The following ADGRL3 variants were observed in gnomAD, a reference collection of about 807,000 sequenced individuals.
ADGRL3 encodes the protein adhesion G protein-coupled receptor L3.
In ADGRL3, 62 loss-of-function variants were observed where a neutral mutation model predicts 153.5. That is an observed-to-expected ratio of 0.40 (90% CI 0.33 to 0.50). The LOEUF (loss-of-function observed/expected upper bound fraction) is 0.50, where lower values mean the gene tolerates loss of function less well. ADGRL3 is among the 20% of genes least tolerant of loss of function. The pLI, the probability that ADGRL3 is intolerant of heterozygous loss-of-function variation, is 0.47. For synonymous variants in ADGRL3, 710 were observed against 672.5 expected (o/e 1.06, Z -0.86); for missense variants, 1,641 against 1,859.4 (o/e 0.88, Z 2.16).
chr4:61,764,465 GTGGGGATGCTT>G (rs2096951897), intron 8 of ADGRL3, among the ~76,000 whole-genome samples: 2 of 130,384 alleles, frequency 1.5e-5, no homozygotes, highest in East Asian at 2.4e-4. Context: ...AAGGTGCTCA[GTGGGGATGCTT>G]TTGGAGCCAG....
intron 2 of ADGRL3, among the ~76,000 whole-genome samples, chr4:61,456,155 GA>G (rs1204756255): frequency 6.6e-6 from 1 of 151,454 alleles, no homozygotes; most frequent in Non-Finnish European, 1.5e-5. Flanking sequence ...TGAGCTGTGT[GA>G]AATTATGAAG....
At chr4:61,301,598 A>G (rs756306617) in intron 1 of ADGRL3, among the ~76,000 whole-genome samples, 10 of 152,194 alleles carry the variant, frequency 6.6e-5, no homozygotes, top group Non-Finnish European at 1.2e-4. Flanking sequence ...TATTTTAAAC[A>G]CACTTAGAAC....
At chr4:61,448,898 G>A (rs373387316) in intron 2 of ADGRL3, among the ~76,000 whole-genome samples, 18 of 85,576 alleles carry the variant, frequency 2.1e-4, no homozygotes, top group African/African-American at 4.3e-4. Context: ...AAGAAGGGAG[G>A]GAGGGAGGGG....
At chr4:61,579,802 T>G (rs998823551) in intron 4 of ADGRL3, among the ~76,000 whole-genome samples, 20 of 152,152 alleles carry the variant, frequency 1.3e-4, no homozygotes, top group African/African-American at 4.8e-4. Context: ...AATGCTAAAA[T>G]GCCATTTCAA....
At position 61,599,894 on chromosome 4, in the gene ADGRL3, A is replaced by C. The variant is rs977912167; in HGVS notation, c.473+12454A>C. Among the ~76,000 whole-genome samples, 9 of 152,166 alleles carry C rather than the reference A, an allele frequency of 5.9e-5. No homozygotes were observed. The East Asian group carries it at 9.6e-4, about 16-fold the overall frequency. On this transcript the variant is annotated intron_variant, in intron 5 of 26. Transcript: ENST00000683033. ...TACTCCAAGTTTAATTTTATAAATA[A>C]ATTTTCTGAACTAGTTCATTTGGAA...
intron 9 of ADGRL3, among the ~76,000 whole-genome samples, chr4:61,882,354 A>G (rs1342779124): frequency 6.6e-6 from 1 of 152,090 alleles, no homozygotes; most frequent in Non-Finnish European, 1.5e-5. Context: ...TTACACCCCC[A>G]TGCTGTATTA....
chr4:61,503,315 T>C (rs1276099784), intron 3 of ADGRL3, among the ~76,000 whole-genome samples: 1 of 152,192 alleles, frequency 6.6e-6, no homozygotes, highest in Non-Finnish European at 1.5e-5. Flanking sequence ...AAATAGCATT[T>C]TTCTATATTG....
Position 61,391,855 on chromosome 4 carries a change from C to CTTTTTTTTTTTT in ADGRL3, c.-174+8677_-174+8688dup, listed in dbSNP as rs869176171. Reference sequence around the variant, plus strand: ...AAAATTATCCAAGTGAAAAATGCTACTTTTTTTTTTTTTTTTTTTTTTGAG... The same window carrying CTTTTTTTTTTTT: ...AAAATTATCCAAGTGAAAAATGCTACTTTTTTTTTTTTTTTTTTTTTTTTTTTTTTTTTTGAG... On this transcript the variant is annotated intron_variant, in intron 2 of 26. Coordinates refer to ENST00000683033, the MANE Select transcript of ADGRL3 (RefSeq NM_001387552.1). Among the ~76,000 whole-genome samples the CTTTTTTTTTTTT allele has an allele frequency of 1.1e-4, 10 of 93,656 alleles. 4 individuals are homozygous for CTTTTTTTTTTTT. Among genetic ancestry groups the CTTTTTTTTTTTT allele is most frequent in the Non-Finnish European group, 1.2e-4 (6 of 49,102 alleles). 61.4% of individuals were successfully genotyped at this position (93,656 alleles called of 152,430 possible).
chr4:61,527,965 C>A (rs1374248288), intron 4 of ADGRL3, among the ~76,000 whole-genome samples: 3 of 152,066 alleles, frequency 2.0e-5, no homozygotes, highest in African/African-American at 7.2e-5. Flanking sequence ...CATGCCCTTT[C>A]CTCTCTTTTG....
chr4:61,398,354 G>A (rs112081711), intron 2 of ADGRL3, among the ~76,000 whole-genome samples: 3 of 151,466 alleles, frequency 2.0e-5, no homozygotes, highest in African/African-American at 7.2e-5. Context: ...ATGAGCCTTC[G>A]TAAATGTATT....
chr4:61,624,650 A>C (rs1224450087), intron 5 of ADGRL3, among the ~76,000 whole-genome samples: 1 of 152,114 alleles, frequency 6.6e-6, no homozygotes, highest in Non-Finnish European at 1.5e-5. Flanking sequence ...TTGAAAAAAT[A>C]GTCCATAAAG....
intron 6 of ADGRL3, among the ~76,000 whole-genome samples, chr4:61,713,031 C>T (rs1270930952): frequency 2.6e-5 from 4 of 152,050 alleles, no homozygotes; most frequent in African/African-American, 9.7e-5. Context: ...GCTGCAGCAA[C>T]GAATTCTGTG....
intron 1 of ADGRL3, among the ~76,000 whole-genome samples, chr4:61,269,287 C>T (rs766350679): frequency 6.6e-6 from 1 of 151,494 alleles, no homozygotes; most frequent in African/African-American, 2.4e-5. Flanking sequence ...TTTGCCTTCT[C>T]CTTCTTCCTT....
intron 13 of ADGRL3, among the ~76,000 whole-genome samples, chr4:61,929,568 A>G (rs2098808747): frequency 6.6e-6 from 1 of 152,228 alleles, no homozygotes; most frequent in Admixed American, 6.5e-5. Flanking sequence ...ACTGACTTAC[A>G]TATGAGTTAT....
intron 2 of ADGRL3, among the ~76,000 whole-genome samples, chr4:61,473,631 T>A (rs2097999773): frequency 6.6e-6 from 1 of 152,044 alleles, no homozygotes; most frequent in African/African-American, 2.4e-5. Context: ...AAAACATGTA[T>A]AGAGTTTATA....
At chr4:61,267,950 G>A (rs147042602) in intron 1 of ADGRL3, among the ~76,000 whole-genome samples, 18 of 151,740 alleles carry the variant, frequency 1.2e-4, no homozygotes, top group African/African-American at 4.3e-4. Context: ...AATCAAGTAA[G>A]TTTTATGGAA....
At chr4:61,767,763 G>T (rs1012450397) in intron 8 of ADGRL3, among the ~76,000 whole-genome samples, 2 of 152,176 alleles carry the variant, frequency 1.3e-5, no homozygotes, top group African/African-American at 2.4e-5. Flanking sequence ...CAAGTTCCTG[G>T]GGGAGGAGGT....
chr4:61,818,185 T>C (rs2097709723), intron 9 of ADGRL3, among the ~76,000 whole-genome samples: 1 of 150,998 alleles, frequency 6.6e-6, no homozygotes, highest in African/African-American at 2.4e-5. Flanking sequence ...ATAATGGGGG[T>C]AGAGGCAGTA....
At chr4:61,500,141 A>G (rs2098370615) in intron 3 of ADGRL3, among the ~76,000 whole-genome samples, 1 of 152,132 alleles carries the variant, frequency 6.6e-6, no homozygotes, top group Admixed American at 6.5e-5. Flanking sequence ...CTAACCTGGT[A>G]GGTAAAATAC....
Sources: allele counts gnomAD v4.1 joint callset (sites outside exome capture counted in the v4.1 genomes callset), GRCh38; gene constraint gnomAD v4.1.1; transcripts MANE v1.5; gene names NCBI Gene and HGNC (gene_info 2026-07-23, HGNC 2026-07-21).